BNC2: variants seen among roughly 807,000 people sequenced by gnomAD.
BNC2 encodes basonuclin zinc finger protein 2, also known as zinc finger protein basonuclin-2.
In BNC2, 20 loss-of-function variants were observed where a neutral mutation model predicts 76.3. That is an observed-to-expected ratio of 0.26 (90% CI 0.18 to 0.38). The LOEUF is 0.38. Ranked by LOEUF, BNC2 falls within the 10% of genes least tolerant of loss-of-function variation. The pLI, the probability that BNC2 is intolerant of heterozygous loss-of-function variation, is 1.00. For synonymous variants in BNC2, 582 were observed against 514.8 expected (o/e 1.13, Z -1.77); for missense variants, 1,382 against 1,399.8 (o/e 0.99, Z 0.20).
chr9:16,550,067 CTAAAA>C (rs773627129), intron 5 of BNC2, among the ~76,000 whole-genome samples: 19 of 152,132 alleles, frequency 1.2e-4, no homozygotes, highest in Non-Finnish European at 2.4e-4. Flanking sequence ...GTATTTCACC[CTAAAA>C]TAAGAGATTT....
chr9:16,665,404 A>C (rs200617269), intron 3 of BNC2, among the ~76,000 whole-genome samples: 2 of 62,852 alleles, frequency 3.2e-5, no homozygotes, highest in Non-Finnish European at 6.6e-5. Context: ...GAGAGAGAGA[A>C]AGAGAGAAAA....
chr9:16,434,890 G>C (rs1338785314), intron 6 of BNC2: 1 of 462,762 alleles, frequency 2.2e-6, no homozygotes, highest in East Asian at 7.0e-5. Flanking sequence ...ATGAAGTTAA[G>C]ATAAAGAAAC....
At chr9:16,599,978 A>G (rs1376114196) in intron 3 of BNC2, among the ~76,000 whole-genome samples, 1 of 152,190 alleles carries the variant, frequency 6.6e-6, no homozygotes, top group Non-Finnish European at 1.5e-5. Context: ...AGAATGATAA[A>G]GGAAAACAGG....
At chr9:16,780,934 C>G (rs1826135528) in intron 1 of BNC2, among the ~76,000 whole-genome samples, 1 of 151,912 alleles carries the variant, frequency 6.6e-6, no homozygotes, top group African/African-American at 2.4e-5. Flanking sequence ...CAGATCTATT[C>G]CAATTCACTA....
intron 1 of BNC2, among the ~76,000 whole-genome samples, chr9:16,860,978 G>A (rs1181288629): frequency 6.6e-6 from 1 of 151,694 alleles, no homozygotes; most frequent in Non-Finnish European, 1.5e-5. Flanking sequence ...CCCAAGAGGT[G>A]GAGGTTGCAG....
intron 3 of BNC2, among the ~76,000 whole-genome samples, chr9:16,692,746 T>G (rs1034209294): frequency 2.0e-4 from 30 of 152,218 alleles, no homozygotes; most frequent in Admixed American, 1.8e-3. Flanking sequence ...AAGGGCCAAC[T>G]CAATCATCTT....
intron 1 of BNC2, among the ~76,000 whole-genome samples, chr9:16,861,107 C>T (rs1406170758): frequency 6.7e-6 from 1 of 150,128 alleles, no homozygotes; most frequent in African/African-American, 2.5e-5. Context: ...TTTGGGGGGT[C>T]AAGGAAACAG....
At chr9:16,669,566 A>G (rs950142348) in intron 3 of BNC2, among the ~76,000 whole-genome samples, 1 of 152,220 alleles carries the variant, frequency 6.6e-6, no homozygotes, top group Non-Finnish European at 1.5e-5. Context: ...TCTTAGTAGA[A>G]TCAGGCCCTC....
chr9:16,533,451 A>G (rs888453826), intron 5 of BNC2, among the ~76,000 whole-genome samples: 5 of 152,222 alleles, frequency 3.3e-5, no homozygotes, highest in African/African-American at 1.2e-4. Flanking sequence ...AGCATAAAAG[A>G]GAAATAATTC....
At chr9:16,843,947 G>A (rs1448070009) in intron 1 of BNC2, among the ~76,000 whole-genome samples, 1 of 152,038 alleles carries the variant, frequency 6.6e-6, no homozygotes, top group Non-Finnish European at 1.5e-5. Flanking sequence ...ATCAAATTCT[G>A]GTTTTTACTC....
chr9:16,468,038 C>CTTTTTTTTTTTTTT (rs1414982362), intron 5 of BNC2, among the ~76,000 whole-genome samples: 9 of 146,172 alleles, frequency 6.2e-5, no homozygotes, highest in African/African-American at 2.3e-4. Context: ...TTCTTTCTTT[C>CTTTTTTTTTTTTTT]TCTTTTTTTT....
At chr9:16,688,537 G>A (rs990449402) in intron 3 of BNC2, among the ~76,000 whole-genome samples, 1 of 152,092 alleles carries the variant, frequency 6.6e-6, no homozygotes, top group Admixed American at 6.5e-5. Context: ...AACACCTAGT[G>A]CCTGTTTTAA....
chr9:16,727,506 AAATT>A, intron 3 of BNC2: 1 of 354,460 alleles, frequency 2.8e-6, no homozygotes, highest in Non-Finnish European at 5.1e-6. Context: ...ACAAAGAAAT[AAATT>A]AAGTCTTCCC....
rs868078421 is a variant in BNC2 at position 16,526,493 on chromosome 9, T to G, written c.669+26037A>C. Among the ~76,000 whole-genome samples, 720 of 130,986 alleles carry G rather than the reference T, an allele frequency of 5.5e-3. 5 individuals are homozygous for G. The highest frequency in any genetic ancestry group is 0.019 in the African/African-American group (686 of 35,532). 85.9% of individuals were successfully genotyped at this position (130,986 alleles called of 152,430 possible). A position where few individuals can be genotyped will look rare whatever the true frequency, so the allele number is the denominator to read the frequency against. On this transcript the variant is annotated intron_variant, in intron 5 of 6. Transcript: ENST00000380672. ...TTTTTTTTTTTTTTTTTTTTTTTTT[T>G]GCCTTGTGATTCACCTTACTCTCGG... is the stretch of plus-strand genomic sequence containing the variant.
chr9:16,557,040 G>C (rs1438040757), intron 4 of BNC2, among the ~76,000 whole-genome samples: 2 of 152,126 alleles, frequency 1.3e-5, no homozygotes, highest in Non-Finnish European at 2.9e-5. Context: ...GAGGAGTCAG[G>C]TCTGGATCTT....
chr9:16,826,013 T>C (rs563757614), intron 1 of BNC2, among the ~76,000 whole-genome samples: 1 of 152,140 alleles, frequency 6.6e-6, no homozygotes, highest in Non-Finnish European at 1.5e-5. Context: ...ATCTTTACTG[T>C]GTTAGCAATG....
At chr9:16,470,629 G>A (rs1335420806) in intron 5 of BNC2, among the ~76,000 whole-genome samples, 1 of 152,216 alleles carries the variant, frequency 6.6e-6, no homozygotes, top group Admixed American at 6.5e-5. Flanking sequence ...GTGGCTGAAA[G>A]GGGCCAACAT....
chr9:16,845,899 C>T (rs1818969282), intron 1 of BNC2, among the ~76,000 whole-genome samples: 1 of 151,962 alleles, frequency 6.6e-6, no homozygotes, highest in Non-Finnish European at 1.5e-5. Flanking sequence ...CCTGTAATCC[C>T]AGCACTTTGG....
intron 3 of BNC2, among the ~76,000 whole-genome samples, chr9:16,595,519 C>T (rs1445052884): frequency 6.6e-6 from 1 of 152,092 alleles, no homozygotes; most frequent in African/African-American, 2.4e-5. Context: ...TGGAATTTTT[C>T]AAGTGAAACC....
Sources: gnomAD v4.1 joint callset for allele counts (sites outside exome capture counted in the v4.1 genomes callset) on GRCh38, gnomAD v4.1.1 for gene constraint, MANE v1.5 for transcripts, NCBI Gene and HGNC (gene_info 2026-07-23, HGNC 2026-07-21) for gene names.